Variants in MMP2 observed in about 807,000 individuals in gnomAD.
MMP2 encodes matrix metallopeptidase 2, also known as 72 kDa type IV collagenase.
In MMP2, 39 loss-of-function variants were observed where a neutral mutation model predicts 74.8. The ratio of observed to expected loss-of-function variants is 0.52; its 90% CI spans 0.40 to 0.68. The LOEUF (loss-of-function observed/expected upper bound fraction) is 0.68. Among genes scored for constraint, MMP2 ranks in the 30% least tolerant of loss-of-function variants. MMP2 has a pLI of 0.00. For missense variants in MMP2, 803 were observed against 878.3 expected (o/e 0.91, Z 1.08); for synonymous variants, 367 against 339.8 (o/e 1.08, Z -0.88).
intron 8 of MMP2, among the ~76,000 whole-genome samples, chr16:55,492,633 G>A (rs1189616022): frequency 6.6e-6 from 1 of 152,102 alleles, no homozygotes; most frequent in Non-Finnish European, 1.5e-5. Context: ...CCCAAGGTCT[G>A]CCGTGAGGGG....
intron 8 of MMP2, 57 bp downstream of exon 8, chr16:55,492,013 C>T: frequency 1.3e-6 from 2 of 1,548,290 alleles, no homozygotes; most frequent in Non-Finnish European, 1.8e-6. Flanking sequence ...GGTCATGTAG[C>T]CTGGGATGGA....
rs957875972 is a variant in MMP2, at chr16:55,506,362, G to A, written c.*920G>A. 6.6e-6 allele frequency: 1 copy of A among 152,268 alleles called. No homozygotes were observed. Among genetic ancestry groups the A allele is most frequent in the Non-Finnish European group, 1.5e-5 (1 of 68,068 alleles). 9.4% of individuals were successfully genotyped at this position (152,268 alleles called of 1,614,324 possible). A position where few individuals can be genotyped will look rare whatever the true frequency, so the allele number is the denominator to read the frequency against. On this transcript the variant is annotated 3_prime_UTR_variant, in exon 13 of 13. Transcript: ENST00000219070. ...ACAGGTGATGGTGTCTGCTGGAAAG[G>A]TCAGAGCTTCCAAAGTAAACAGCAA...
At chr16:55,481,911 A>T in intron 1 of MMP2, 2 of 700,472 alleles carry the variant, frequency 2.9e-6, no homozygotes, top group Non-Finnish European at 5.3e-6. Flanking sequence ...CCATTATTCT[A>T]TTATATTATT....
intron 11 of MMP2, among the ~76,000 whole-genome samples, chr16:55,500,494 TACAC>T (rs55996787): frequency 0.037 from 5,010 of 136,226 alleles, 104 homozygotes; most frequent in Middle Eastern, 0.061. Flanking sequence ...CATGTGCGCA[TACAC>T]ACACACACAC....
chr16:55,479,198 G>T lies in MMP2; in HGVS notation c.-282G>T, dbSNP rs904839020. 3.3e-5 allele frequency: 8 copies of T among 239,256 alleles called. No homozygotes were observed. The highest frequency in any genetic ancestry group is 4.8e-5 in the Non-Finnish European group (6 of 125,686). The allele number at this position is 239,256 out of a possible 1,614,324, so 14.8% of individuals were successfully genotyped here. On this transcript the variant is annotated 5_prime_UTR_variant, in exon 1 of 13. Transcript: ENST00000219070. ...CTGGCGGCTGCCCTCCCTTGTTTCCGCTGCATCCAGACTTCCTCAGGCGGT... is the reference window on the plus strand; with the variant it reads ...CTGGCGGCTGCCCTCCCTTGTTTCCTCTGCATCCAGACTTCCTCAGGCGGT...
In MMP2 at chr16:55,498,379, G is replaced by A. The variant is rs147336184; in HGVS notation, c.1700G>A (p.Arg567Gln). 1.5e-5 allele frequency: 24 copies of A among 1,614,244 alleles called. No individual in the cohort carries two copies. The highest frequency in any genetic ancestry group is 6.7e-5 in the Admixed American group (4 of 60,030). ...CTGGGACTGCCCCCTGATGTCCAGCGAGTGGATGCCGCCTTTAACTGGAGC... is the reference window on the plus strand; with the variant it reads ...CTGGGACTGCCCCCTGATGTCCAGCAAGTGGATGCCGCCTTTAACTGGAGC... ...TSLGLPPDVQ[R>Q]VDAAFNWSKN... The change falls in exon 11 of 13, where the codon CGA becomes CAA. Residue 567 changes from arginine to glutamine, a missense_variant. Coordinates refer to ENST00000219070, the MANE Select transcript of MMP2 (RefSeq NM_004530.6).
intron 3 of MMP2, among the ~76,000 whole-genome samples, chr16:55,484,582 A>C (rs1287197167): frequency 6.6e-6 from 1 of 152,244 alleles, no homozygotes; most frequent in Non-Finnish European, 1.5e-5. Context: ...CAGACAAAGA[A>C]TATTCCTCTT....
chr16:55,493,151 T>TC lies in MMP2; in HGVS notation c.1337-3dup, dbSNP rs778860356. 1.2e-6 allele frequency: 2 copies of TC among 1,613,170 alleles called. No homozygotes were observed. Among genetic ancestry groups the TC allele is most frequent in the African/African-American group, 2.7e-5 (2 of 74,812 alleles). On this transcript the variant is annotated splice_polypyrimidine_tract_variant and splice_region_variant and intron_variant, in intron 8 of 12. Coordinates refer to ENST00000219070, the MANE Select transcript of MMP2 (RefSeq NM_004530.6). Reference sequence around the variant, plus strand: ...GCAGAGAGTCTAAGGTCAGGTGTTCTCCCCAGGGGCCTCTCCTGACATTGA... The same window carrying TC: ...GCAGAGAGTCTAAGGTCAGGTGTTCTCCCCCAGGGGCCTCTCCTGACATTGA...
In MMP2 at chr16:55,479,428, A is replaced by G. The variant is rs1962038101; in HGVS notation, c.-52A>G. The G allele has an allele frequency of 7.0e-7, 1 of 1,418,570 alleles. No individual in the cohort carries two copies. The allele number at this position is 1,418,570 out of a possible 1,614,324, so 87.9% of individuals were successfully genotyped here. The stretch of plus-strand genomic sequence containing the variant: ...TCCAACCAGGCGGCGAGGCGGCCAC[A>G]CGCACCGAGCCAGCGACCCCCGGGC... On this transcript the variant is annotated 5_prime_UTR_variant, in exon 1 of 13. Transcript: ENST00000219070.
At position 55,488,554 on chromosome 16, in the gene MMP2, A is replaced by G; in HGVS notation, c.844A>G (p.Met282Val). The change falls in exon 6 of 13, where the codon ATG (methionine) becomes GTG (valine). Residue 282 changes from methionine to valine, a missense_variant. By Grantham distance (21) the Met-to-Val change is conservative. Transcript: ENST00000219070. ...TCCCCCACCCTTAGCCCTGTTCACC[A>G]TGGGCGGCAACGCTGAAGGACAGCC... is the stretch of plus-strand genomic sequence containing the variant. ...GFCPHEALFT[M>V]GGNAEGQPCK... 1 of 1,613,858 alleles carries G rather than the reference A, an allele frequency of 6.2e-7. No homozygotes were observed. Among genetic ancestry groups the G allele is most frequent in the Non-Finnish European group, 8.5e-7 (1 of 1,179,950 alleles).
rs767232094 is a variant in MMP2 at position 55,484,157 on chromosome 16, C to T, written c.522C>T (p.Gly174=). 5 of 1,613,980 alleles carry T rather than the reference C, an allele frequency of 3.1e-6. No individual in the cohort carries two copies. The South Asian group carries it at 4.4e-5, about 14-fold the overall frequency. ...DGEADIMINF[G]RWEHGDGYPF... ...AGGCAGACATCATGATCAACTTTGG[C>T]CGCTGGGGTAGGCAGAAGATGGGGC... The change falls in exon 3 of 13, where the codon GGC becomes GGT. Residue 174 remains glycine (G), a synonymous_variant. Coordinates refer to ENST00000219070, the MANE Select transcript of MMP2 (RefSeq NM_004530.6).
At chr16:55,499,787 A>G (rs1023412582) in intron 11 of MMP2, among the ~76,000 whole-genome samples, 1 of 151,872 alleles carries the variant, frequency 6.6e-6, no homozygotes, top group South Asian at 2.1e-4. Flanking sequence ...CCTCCACTAT[A>G]CCTGCCAGTC....
intron 5 of MMP2, chr16:55,487,204 G>T (rs745511442): frequency 6.6e-6 from 1 of 152,200 alleles, no homozygotes; most frequent in Non-Finnish European, 1.5e-5. Context: ...TTTACTTTGT[G>T]CTTAGCCAGA....
intron 12 of MMP2, 26 bp from the exon 13 acceptor site, chr16:55,505,313 C>T (rs1962771974): frequency 6.3e-7 from 1 of 1,583,648 alleles, no homozygotes; most frequent in Admixed American, 1.7e-5. Context: ...ATAAGGGGGT[C>T]ACGGTCTCTT....
chr16:55,498,578 T>G, intron 11 of MMP2, 130 bp downstream of exon 11: 1 of 1,201,992 alleles, frequency 8.3e-7, no homozygotes, highest in Middle Eastern at 2.3e-4. Context: ...CTCTGGTATC[T>G]AACCTCTTTG....
intron 1 of MMP2, chr16:55,481,441 G>A (rs1962097302): frequency 6.0e-6 from 1 of 167,786 alleles, no homozygotes; most frequent in Middle Eastern, 2.6e-3. Context: ...TCTTGGTTTG[G>A]GTGGGCTTTC....
rs1199792907 is a variant in MMP2 at position 55,491,881 on chromosome 16, A to T, written c.1261A>T (p.Met421Leu). 5.0e-6 allele frequency: 8 copies of T among 1,613,200 alleles called. No individual in the cohort carries two copies. The highest frequency in any genetic ancestry group is 1.7e-5 in the Admixed American group (1 of 59,960). ...GCACTCCCAAGACCCTGGGGCCCTG[A>T]TGGCACCCATTTACACCTACACCAA... ...LEHSQDPGAL[M>L]APIYTYTKNF... The change falls in exon 8 of 13, where the codon ATG (methionine) becomes TTG (leucine). Residue 421 changes from methionine to leucine, a missense_variant. By Grantham distance (15) the Met-to-Leu change is conservative. Coordinates refer to ENST00000219070, the MANE Select transcript of MMP2 (RefSeq NM_004530.6).
intron 1 of MMP2, chr16:55,480,659 G>C (rs1408389045): frequency 6.6e-6 from 1 of 152,610 alleles, no homozygotes; most frequent in Admixed American, 6.5e-5. Flanking sequence ...TTCCAGTCCA[G>C]GGGATATCTG....
rs767316276 is a variant in MMP2 at position 55,482,896 on chromosome 16, G to T, written c.154-13G>T. Reference sequence around the variant, plus strand: ...ATGTGGCTAATTGCCTTGGGGGTGTGCATTTCTTTCAGCAATACCTGAACA... The same window carrying T: ...ATGTGGCTAATTGCCTTGGGGGTGTTCATTTCTTTCAGCAATACCTGAACA... On this transcript the variant is annotated splice_polypyrimidine_tract_variant and intron_variant, in intron 1 of 12. Transcript: ENST00000219070. 6.2e-7 allele frequency: 1 copy of T among 1,610,950 alleles called. No homozygotes were observed. Among genetic ancestry groups the T allele is most frequent in the East Asian group, 2.2e-5 (1 of 44,876 alleles).
Sources: allele counts gnomAD v4.1 joint callset (sites outside exome capture counted in the v4.1 genomes callset), GRCh38; gene constraint gnomAD v4.1.1; transcripts MANE v1.5; gene names NCBI Gene and HGNC (gene_info 2026-07-23, HGNC 2026-07-21).